CNTNAP2: variants seen among roughly 807,000 people sequenced by gnomAD.
CNTNAP2 encodes contactin associated protein 2.
Under a neutral mutation model 155.2 loss-of-function variants are expected in CNTNAP2, and 98 were observed. The ratio of observed to expected loss-of-function variants is 0.63; its 90% CI spans 0.54 to 0.75. The LOEUF (loss-of-function observed/expected upper bound fraction) is 0.75, where lower values mean the gene tolerates loss of function less well. Ranked by LOEUF, CNTNAP2 falls within the 30% of genes least tolerant of loss-of-function variation. CNTNAP2 has a pLI of 0.00. For missense variants in CNTNAP2, 1,727 were observed against 1,688.1 expected, an observed-to-expected ratio of 1.02 and a Z score of -0.40; for synonymous variants, 651 against 631.2, an observed-to-expected ratio of 1.03 and a Z score of -0.47.
At chr7:147,424,664 A>C (rs965438071) in intron 10 of CNTNAP2, among the ~76,000 whole-genome samples, 1 of 152,102 alleles carries the variant, frequency 6.6e-6, no homozygotes, top group Non-Finnish European at 1.5e-5. Context: ...TATATCCTCT[A>C]TTGAGTTTTA....
intron 14 of CNTNAP2, among the ~76,000 whole-genome samples, chr7:147,973,181 A>AAAAAAAAAAAAAAAAG (rs1801365775): frequency 1.4e-5 from 2 of 141,454 alleles, no homozygotes; most frequent in South Asian, 2.3e-4. Flanking sequence ...AAAAAAAAAA[A>AAAAAAAAAAAAAAAAG]GTAGGTTGTG....
intron 8 of CNTNAP2, among the ~76,000 whole-genome samples, chr7:147,202,241 T>TAA (rs35746648): frequency 4.5e-4 from 65 of 145,448 alleles, no homozygotes; most frequent in Middle Eastern, 3.5e-3. Context: ...TAGCCTGATT[T>TAA]AAAAAAAAAA....
intron 13 of CNTNAP2, among the ~76,000 whole-genome samples, chr7:147,830,417 T>C (rs990982752): frequency 6.6e-6 from 1 of 152,070 alleles, no homozygotes; most frequent in Non-Finnish European, 1.5e-5. Flanking sequence ...CATGACCTAC[T>C]TCCCCCCCAA....
chr7:146,910,725 C>A (rs1260891418), intron 3 of CNTNAP2, among the ~76,000 whole-genome samples: 1 of 149,310 alleles, frequency 6.7e-6, no homozygotes, highest in East Asian at 1.9e-4. Flanking sequence ...TAGGCATTAC[C>A]ATTCAGGACA....
chr7:146,744,832 G>A (rs574044149), intron 1 of CNTNAP2, among the ~76,000 whole-genome samples: 1 of 152,168 alleles, frequency 6.6e-6, no homozygotes, highest in East Asian at 1.9e-4. Context: ...AAAACACAAA[G>A]CTTAAGTTAA....
chr7:146,352,750 G>GTTGTTGTTT, intron 1 of CNTNAP2, among the ~76,000 whole-genome samples: 1 of 64,312 alleles, frequency 1.6e-5, no homozygotes, highest in African/African-American at 6.4e-5. Flanking sequence ...GCATAATTCT[G>GTTGTTGTTT]TTTTTTTTTT....
At chr7:147,871,661 C>CTT (rs5888290) in intron 13 of CNTNAP2, among the ~76,000 whole-genome samples, 5,704 of 142,464 alleles carry the variant, frequency 0.04, 141 homozygotes, top group Middle Eastern at 0.095. Flanking sequence ...ATTCCTTTCT[C>CTT]TTTTTTTTTT....
chr7:148,163,911 C>G (rs1425861875), intron 17 of CNTNAP2, among the ~76,000 whole-genome samples: 1 of 152,146 alleles, frequency 6.6e-6, no homozygotes, highest in Admixed American at 6.5e-5. Context: ...CACACCTGCA[C>G]TGACACCACA....
Position 148,363,844 on chromosome 7 carries a change from T to TGCGTGTGGC in CNTNAP2, c.3476-19800_3476-19799insTGGCGCGTG, listed in dbSNP as rs1554424560. Reference sequence around the variant, plus strand: ...GAGAGGCACGAGCGGGAACTGGGGCTGCGTGCGGGCCAGCTGGAGTTCCGG... The same window carrying TGCGTGTGGC: ...GAGAGGCACGAGCGGGAACTGGGGCTGCGTGTGGCGCGTGCGGGCCAGCTGGAGTTCCGG... On this transcript the variant is annotated intron_variant, in intron 21 of 23. Transcript: ENST00000361727. 1.6e-5 allele frequency among the ~76,000 whole-genome samples: 2 copies of TGCGTGTGGC among 125,830 alleles called. 1 individual carries two copies. Among genetic ancestry groups the TGCGTGTGGC allele is most frequent in the Non-Finnish European group, 3.6e-5 (2 of 55,466 alleles). 82.5% of individuals were successfully genotyped at this position (125,830 alleles called of 152,430 possible). A position where few individuals can be genotyped will look rare whatever the true frequency, so the allele number is the denominator to read the frequency against.
chr7:146,464,922 A>T (rs927224795), intron 1 of CNTNAP2, among the ~76,000 whole-genome samples: 3 of 151,950 alleles, frequency 2.0e-5, no homozygotes, highest in African/African-American at 7.3e-5. Flanking sequence ...CAGTGCTTGG[A>T]CCCCATCAAC....
intron 1 of CNTNAP2, among the ~76,000 whole-genome samples, chr7:146,506,495 C>T (rs1229019427): frequency 6.6e-6 from 1 of 152,160 alleles, no homozygotes; most frequent in Non-Finnish European, 1.5e-5. Context: ...GGTGCTGACT[C>T]CAACCACCGG....
intron 1 of CNTNAP2, among the ~76,000 whole-genome samples, chr7:146,248,072 TAA>T (rs1196284787): frequency 6.8e-6 from 1 of 147,560 alleles, no homozygotes; most frequent in Non-Finnish European, 1.5e-5. Context: ...CACAGAGATA[TAA>T]GAGGCTGGGG....
intron 1 of CNTNAP2, among the ~76,000 whole-genome samples, chr7:146,431,390 T>G (rs1046926320): frequency 2.6e-5 from 4 of 152,172 alleles, no homozygotes; most frequent in African/African-American, 9.6e-5. Context: ...TTTAAGTCTC[T>G]GGTCCTGCAA....
intron 15 of CNTNAP2, among the ~76,000 whole-genome samples, chr7:148,005,332 C>T (rs752181837): frequency 5.3e-5 from 8 of 152,076 alleles, no homozygotes; most frequent in African/African-American, 9.7e-5. Flanking sequence ...CCCCAAAGGC[C>T]CCCCTTCTCA....
At chr7:146,126,306 A>G (rs1015574680) in intron 1 of CNTNAP2, among the ~76,000 whole-genome samples, 2 of 152,194 alleles carry the variant, frequency 1.3e-5, no homozygotes, top group Non-Finnish European at 1.5e-5. Flanking sequence ...CTTTTTGTTT[A>G]CTTATTCCTT....
At chr7:147,167,133 A>G (rs1802129818) in intron 8 of CNTNAP2, among the ~76,000 whole-genome samples, 1 of 152,036 alleles carries the variant, frequency 6.6e-6, no homozygotes, top group Non-Finnish European at 1.5e-5. Flanking sequence ...TGACATCTAC[A>G]TGAATGGTTA....
chr7:148,195,113 G>C (rs1182910003), intron 18 of CNTNAP2, among the ~76,000 whole-genome samples: 1 of 152,172 alleles, frequency 6.6e-6, no homozygotes, highest in Non-Finnish European at 1.5e-5. Flanking sequence ...CTGGGTGTCA[G>C]AAATAGGCTT....
chr7:147,189,962 T>G (rs999242358), intron 8 of CNTNAP2, among the ~76,000 whole-genome samples: 1 of 152,142 alleles, frequency 6.6e-6, no homozygotes, highest in Non-Finnish European at 1.5e-5. Flanking sequence ...GCCAGGATGA[T>G]CTCCATCTCT....
At chr7:148,297,710 T>C (rs147053794) in intron 21 of CNTNAP2, among the ~76,000 whole-genome samples, 276 of 152,290 alleles carry the variant, frequency 1.8e-3, no homozygotes, top group Middle Eastern at 0.014. Context: ...CTGTAGTTGG[T>C]AAAGAAGTAG....
Sources: gnomAD v4.1 joint callset for allele counts (sites outside exome capture counted in the v4.1 genomes callset) on GRCh38, gnomAD v4.1.1 for gene constraint, MANE v1.5 for transcripts, NCBI Gene and HGNC (gene_info 2026-07-23, HGNC 2026-07-21) for gene names.